INSYN2A: variants seen among roughly 807,000 people sequenced by gnomAD.
The protein encoded by INSYN2A is inhibitory synaptic factor 2A, also known as family with sequence similarity 196 member A.
In INSYN2A, 17 loss-of-function variants were observed where a neutral mutation model predicts 39.4. The observed-to-expected ratio is 0.43, with a 90% CI of 0.30 to 0.65. The LOEUF (loss-of-function observed/expected upper bound fraction) is 0.65, where lower values mean the gene tolerates loss of function less well. Among genes scored for constraint, INSYN2A ranks in the 30% least tolerant of loss-of-function variants. The pLI, the probability that INSYN2A is intolerant of heterozygous loss-of-function variation, is 0.14. For missense variants in INSYN2A, 595 were observed against 631.2 expected (o/e 0.94, Z 0.61); for synonymous variants, 255 against 265.7 (o/e 0.96, Z 0.39).
In INSYN2A at chr10:127,176,309, T is replaced by C; in HGVS notation, c.87A>G (p.Lys29=). ...TCTGCCGGTTGGGGTCCAGGGCGTA[T>C]TTCATCTCCAGGGCCAGGCAGGCGG... ...EPAACLALEM[K]YALDPNRQIK... The change falls in exon 4 of 6, where the codon AAA becomes AAG. Residue 29 remains lysine, a synonymous_variant. Transcript: ENST00000522781. The surrounding 1 kb of genome is among the most constrained non-coding windows in gnomAD (Gnocchi z 4.4). 3 of 1,614,052 alleles carry C rather than the reference T, an allele frequency of 1.9e-6. No individual in the cohort carries two copies. Among genetic ancestry groups the C allele is most frequent in the Non-Finnish European group, 2.5e-6 (3 of 1,180,022 alleles).
rs191412791 is a variant in INSYN2A at position 127,188,422 on chromosome 10, T to A, written c.-269+4183A>T. ...TATTTCTGGTTGGAGACGCAAAACA[T>A]TTAGAATTCTGTTCCCTTCTAGAAA... On this transcript the variant is annotated intron_variant, in intron 2 of 5. Coordinates refer to ENST00000522781, the MANE Select transcript of INSYN2A (RefSeq NM_001039762.3). Among the ~76,000 whole-genome samples the A allele has an allele frequency of 5.3e-5, 8 of 152,282 alleles. No individual in the cohort carries two copies. The East Asian group carries it at 1.5e-3, about 29-fold the overall frequency.
intron 5 of INSYN2A, among the ~76,000 whole-genome samples, chr10:127,150,496 G>A (rs981421805): frequency 1.3e-5 from 2 of 152,162 alleles, no homozygotes; most frequent in Non-Finnish European, 2.9e-5. Context: ...ATATGGCCCT[G>A]TCCTTTCACG....
chr10:127,187,255 G>A (rs889944130), intron 2 of INSYN2A, among the ~76,000 whole-genome samples: 2 of 152,212 alleles, frequency 1.3e-5, no homozygotes, highest in African/African-American at 4.8e-5. Flanking sequence ...TGGAACAGAT[G>A]CCCTGCTACT....
intron 2 of INSYN2A, among the ~76,000 whole-genome samples, chr10:127,179,802 A>G (rs190025723): frequency 6.6e-6 from 1 of 152,370 alleles, no homozygotes; most frequent in East Asian, 1.9e-4. Flanking sequence ...GTGAATGTAC[A>G]TACGTTACAG....
At chr10:127,182,783 CCAT>C (rs1405124074) in intron 2 of INSYN2A, among the ~76,000 whole-genome samples, 1 of 152,058 alleles carries the variant, frequency 6.6e-6, no homozygotes, top group Non-Finnish European at 1.5e-5. Flanking sequence ...TCCCTGTTTC[CCAT>C]CATCATGACA....
chr10:127,142,054 C>T (rs373018398), intron 5 of INSYN2A, among the ~76,000 whole-genome samples: 28 of 152,296 alleles, frequency 1.8e-4, no homozygotes, highest in East Asian at 9.7e-4. Context: ...CTACCACAGT[C>T]GCTGTGCTAA....
intron 5 of INSYN2A, among the ~76,000 whole-genome samples, chr10:127,142,672 G>A (rs1211172992): frequency 6.6e-6 from 1 of 152,162 alleles, no homozygotes; most frequent in African/African-American, 2.4e-5. Context: ...CCTGGGGACT[G>A]TAGGGATTTA....
Position 127,175,508 on chromosome 10 carries a change from C to T in INSYN2A, c.888G>A (p.Gly296=), listed in dbSNP as rs1241367681. 3.1e-6 allele frequency: 5 copies of T among 1,608,824 alleles called. No homozygotes were observed. The highest frequency in any genetic ancestry group is 4.2e-6 in the Non-Finnish European group (5 of 1,180,012). Residue 296 remains glycine, a synonymous_variant, in exon 4 of 6, where the codon GGG becomes GGA. Transcript: ENST00000522781. The surrounding 1 kb of genome is among the most constrained non-coding windows in gnomAD (Gnocchi z 6.3). ...GGGCAGTTTCCGAGGGCGCCTGGAG[C>T]CCGTTGAGATGTGTGGCTCTCCTCC... ...DERRRATHLN[G]LQAPSETALA... is the part of the protein sequence containing the mutation.
Position 127,180,594 on chromosome 10 carries a change from C to A in INSYN2A, c.-268-3455G>T, listed in dbSNP as rs564260866. The stretch of plus-strand genomic sequence containing the variant: ...CAAAGTGAGCTGTAAATACATAAAC[C>A]CTGCATTTTTAGATTAGTGACGGAG... On this transcript the variant is annotated intron_variant, in intron 2 of 5. Transcript: ENST00000522781. Among the ~76,000 whole-genome samples, 30 of 152,130 alleles carry A rather than the reference C, an allele frequency of 2.0e-4. No individual in the cohort carries two copies. The South Asian group carries it at 6.0e-3, about 31-fold the overall frequency.
At chr10:127,164,372 G>C (rs528851154) in intron 4 of INSYN2A, among the ~76,000 whole-genome samples, 1 of 151,606 alleles carries the variant, frequency 6.6e-6, no homozygotes, top group Non-Finnish European at 1.5e-5. Context: ...TTGTAGACAC[G>C]GGATTTCACC....
chr10:127,175,618 C>G lies in INSYN2A; in HGVS notation c.778G>C (p.Ala260Pro). ...KTEVATVYAP[A>P]LSARAPEPGL... Reference sequence around the variant, plus strand: ...GGCTCGGGGGCCCTGGCACTGAGGGCAGGTGCGTAAACGGTGGCAACCTCC... The same window carrying G: ...GGCTCGGGGGCCCTGGCACTGAGGGGAGGTGCGTAAACGGTGGCAACCTCC... The change falls in exon 4 of 6, where the codon GCC becomes CCC. Residue 260 changes from alanine (A) to proline (P), a missense_variant. Ala to Pro is a conservative substitution (Grantham distance 27). Around this residue, in one of 2 missense-constraint regions of INSYN2A, gnomAD observed 478 missense variants for 467.4 expected, o/e 1.02. Transcript: ENST00000522781. The surrounding 1 kb of genome is among the most constrained non-coding windows in gnomAD (Gnocchi z 6.3). 1.2e-6 allele frequency: 2 copies of G among 1,613,006 alleles called. No homozygotes were observed.
intron 2 of INSYN2A, among the ~76,000 whole-genome samples, chr10:127,178,545 A>G (rs1377763205): frequency 6.6e-6 from 1 of 152,200 alleles, no homozygotes; most frequent in Non-Finnish European, 1.5e-5. Context: ...GAACCACTGC[A>G]TTAGCCCTTG....
At chr10:127,141,648 G>A (rs796705030) in intron 5 of INSYN2A, among the ~76,000 whole-genome samples, 4 of 152,088 alleles carry the variant, frequency 2.6e-5, no homozygotes, top group African/African-American at 9.6e-5. Flanking sequence ...TCCACCCTGG[G>A]TGACAGAGTG....
At chr10:127,191,220 T>C (rs954904659) in intron 2 of INSYN2A, among the ~76,000 whole-genome samples, 1 of 152,154 alleles carries the variant, frequency 6.6e-6, no homozygotes, top group Non-Finnish European at 1.5e-5. Context: ...TCTCCTATCC[T>C]GATTCTACCT....
chr10:127,168,482 A>G (rs1055398494), intron 4 of INSYN2A, among the ~76,000 whole-genome samples: 7 of 152,190 alleles, frequency 4.6e-5, no homozygotes, highest in Non-Finnish European at 7.3e-5. Context: ...ATCTGGCCAG[A>G]GCCAGGGAAC....
intron 2 of INSYN2A, among the ~76,000 whole-genome samples, chr10:127,185,756 C>T (rs1011188443): frequency 6.6e-6 from 1 of 152,158 alleles, no homozygotes; most frequent in African/African-American, 2.4e-5. Context: ...TGAACTTTGG[C>T]ATGACTACCT....
intron 2 of INSYN2A, among the ~76,000 whole-genome samples, chr10:127,186,507 G>GCCCCCCC (rs1326283340): frequency 1.7e-4 from 1 of 5,918 alleles, no homozygotes; most frequent in African/African-American, 3.2e-4. Flanking sequence ...GGGAGAAACC[G>GCCCCCCC]CCCCCCCGCC....
At position 127,194,338 on chromosome 10, in the gene INSYN2A, G is replaced by C. The variant is rs2056951620; in HGVS notation, c.-394-1608C>G. Among the ~76,000 whole-genome samples the C allele has an allele frequency of 1.3e-5, 2 of 152,316 alleles. 1 individual carries two copies. The highest frequency in any genetic ancestry group is 1.3e-4 in the Admixed American group (2 of 15,288). On this transcript the variant is annotated intron_variant, in intron 1 of 5. Transcript: ENST00000522781. ...ATGGATAGTAAATGATTAATATCTG[G>C]TGAGGCATGCAGATGGCAGGACTTC...
rs753847704 is a variant in INSYN2A at position 127,176,306 on chromosome 10, G to GT, written c.89dup (p.Tyr30Ter). 2 of 1,613,996 alleles carry GT rather than the reference G, an allele frequency of 1.2e-6. No homozygotes were observed. The highest frequency in any genetic ancestry group is 2.7e-5 in the African/African-American group (2 of 74,912). Residue 30 changes from tyrosine (Y) to a stop codon, truncating the protein, a stop_gained and frameshift_variant, in exon 4 of 6, where the codon TAC becomes TAAC. Transcript: ENST00000522781. LOFTEE classifies it high-confidence loss of function. This position sits in a 1 kb window ranked among gnomAD's most constrained non-coding sequence, Gnocchi z 4.4. Reference protein sequence around the residue: ...PAACLALEMKYALDPNRQIKK... With the variant: ...PAACLALEMK ...TAATCTGCCGGTTGGGGTCCAGGGCGTATTTCATCTCCAGGGCCAGGCAGG... is the reference window on the plus strand; with the variant it reads ...TAATCTGCCGGTTGGGGTCCAGGGCGTTATTTCATCTCCAGGGCCAGGCAGG...
Sources: gnomAD v4.1 joint callset for allele counts (sites outside exome capture counted in the v4.1 genomes callset) on GRCh38, gnomAD v4.1.1 for gene constraint, gnomAD v4.1.1 regional missense constraint, Gnocchi (gnomAD v3.1) non-coding constraint, MANE v1.5 for transcripts, NCBI Gene and HGNC (gene_info 2026-07-23, HGNC 2026-07-21) for gene names.